ABCB7: variants seen among roughly 807,000 people sequenced by gnomAD.
ABCB7 encodes ATP binding cassette subfamily B member 7, also known as iron-sulfur clusters transporter ABCB7, mitochondrial.
A neutral mutation model predicts 54.4 loss-of-function variants in ABCB7; 7 were observed. The observed-to-expected ratio is 0.13, with a 90% confidence interval of 0.07 to 0.24. ABCB7 has a LOEUF of 0.24. Ranked by LOEUF, ABCB7 falls within the 10% of genes least tolerant of loss-of-function variation. The pLI, the probability that ABCB7 is intolerant of heterozygous loss-of-function variation, is 1.00. For synonymous variants in ABCB7, 218 were observed against 207.1 expected, an observed-to-expected ratio of 1.05 and a Z score of -0.45; for missense variants, 356 against 570.4, an observed-to-expected ratio of 0.62 and a Z score of 3.83.
intron 1 of ABCB7, among the ~76,000 whole-genome samples, chrX:75,115,410 CTTTTTTTT>C (rs747398607): frequency 2.7e-4 from 8 of 30,179 alleles, no homozygotes; most frequent in South Asian, 1.8e-3. Context: ...TGTCTCTTTT[CTTTTTTTT>C]TTTTTTTTTT....
At chrX:75,137,740 G>A (rs1478748226) in intron 1 of ABCB7, among the ~76,000 whole-genome samples, 2 of 111,954 alleles carry the variant, frequency 1.8e-5, no homozygotes, top group Admixed American at 1.9e-4. Flanking sequence ...ACATGGAGCT[G>A]GAGGCCATTA....
At chrX:75,077,087 T>A (rs1374537455) in intron 4 of ABCB7, among the ~76,000 whole-genome samples, 1 of 112,158 alleles carries the variant, frequency 8.9e-6, no homozygotes, top group East Asian at 2.8e-4. Context: ...ATGCTGAATA[T>A]AATGCTCTTA....
chrX:75,111,614 T>C (rs750403221), intron 3 of ABCB7, among the ~76,000 whole-genome samples: 5 of 112,285 alleles, frequency 4.5e-5, no homozygotes, highest in Non-Finnish European at 5.6e-5. Flanking sequence ...TTTTCTGACA[T>C]GGTCTCCAAT....
At chrX:75,126,274 T>C (rs1351717432) in intron 1 of ABCB7, among the ~76,000 whole-genome samples, 1 of 112,109 alleles carries the variant, frequency 8.9e-6, no homozygotes. Context: ...ACAAGATCCT[T>C]ATGCTATAGT....
intron 3 of ABCB7, among the ~76,000 whole-genome samples, chrX:75,107,105 C>T (rs934575883): frequency 9.0e-6 from 1 of 111,211 alleles, no homozygotes; most frequent in Non-Finnish European, 1.9e-5. Context: ...CAGTGCTGTC[C>T]TGTTAGAGCA....
chrX:75,053,189 A>C lies in ABCB7; in HGVS notation c.*181T>G, dbSNP rs2081208596. 8 of 629,210 alleles carry C rather than the reference A, an allele frequency of 1.3e-5. No individual in the cohort carries two copies. The highest frequency in any genetic ancestry group is 1.9e-5 in the Non-Finnish European group (8 of 425,947). The allele number at this position is 629,210 out of a possible 1,213,427, so 51.9% of individuals were successfully genotyped here. A position where few individuals can be genotyped will look rare whatever the true frequency, so the allele number is the denominator to read the frequency against. ...GTGACAAGAAAATAATTTGGGGATAAATACAGATGCCACATTAAATAGACT... is the reference window on the plus strand; with the variant it reads ...GTGACAAGAAAATAATTTGGGGATACATACAGATGCCACATTAAATAGACT... On this transcript the variant is annotated 3_prime_UTR_variant, in exon 16 of 16. Transcript: ENST00000373394.
At chrX:75,117,507 A>G in intron 1 of ABCB7, among the ~76,000 whole-genome samples, 1 of 110,738 alleles carries the variant, frequency 9.0e-6, no homozygotes, top group Non-Finnish European at 1.9e-5. Flanking sequence ...CACTTGAATG[A>G]CCTTGGGTTC....
At chrX:75,136,568 A>C (rs1372874987) in intron 1 of ABCB7, among the ~76,000 whole-genome samples, 1 of 111,378 alleles carries the variant, frequency 9.0e-6, no homozygotes, top group Non-Finnish European at 1.9e-5. Context: ...AGAAACAAAA[A>C]CAAAACAACA....
chrX:75,121,082 A>T (rs1233783518), intron 1 of ABCB7, among the ~76,000 whole-genome samples: 1 of 110,021 alleles, frequency 9.1e-6, no homozygotes, highest in Non-Finnish European at 1.9e-5. Context: ...TGGGGTCAGG[A>T]GTTTGAGACC....
chrX:75,141,474 AATATTAGATC>A (rs1446211459), intron 1 of ABCB7, among the ~76,000 whole-genome samples: 1 of 111,029 alleles, frequency 9.0e-6, no homozygotes, highest in Non-Finnish European at 1.9e-5. Context: ...TTTTACACTG[AATATTAGATC>A]ATATGCATTT....
intron 14 of ABCB7, among the ~76,000 whole-genome samples, 197 bp downstream of exon 14, chrX:75,062,129 CTG>C (rs2147451634): frequency 8.9e-6 from 1 of 112,512 alleles, no homozygotes; most frequent in East Asian, 2.8e-4. Flanking sequence ...GGACTTAACA[CTG>C]TGGTATCTCT....
At chrX:75,055,566 A>C (rs868174590) in intron 15 of ABCB7, among the ~76,000 whole-genome samples, 38 of 106,044 alleles carry the variant, frequency 3.6e-4, no homozygotes, top group Middle Eastern at 5.0e-3. Flanking sequence ...AAAAAAAAAA[A>C]AAAAAAAAAA....
At chrX:75,150,165 C>G (rs763959003) in intron 1 of ABCB7, among the ~76,000 whole-genome samples, 1 of 111,434 alleles carries the variant, frequency 9.0e-6, no homozygotes, top group African/African-American at 3.3e-5. Flanking sequence ...GGGTCTAAAA[C>G]TAGGGCAGAA....
chrX:75,059,733 A>G (rs891588520), intron 15 of ABCB7, among the ~76,000 whole-genome samples: 2 of 111,829 alleles, frequency 1.8e-5, no homozygotes, highest in Non-Finnish European at 3.8e-5. Flanking sequence ...CCCTTAGAAG[A>G]GATAAAGCAG....
Position 75,098,795 on chromosome X carries a change from A to G in ABCB7, c.453+147T>C. 3 of 666,202 alleles carry G rather than the reference A, an allele frequency of 4.5e-6. No individual in the cohort carries two copies. The Admixed American group carries it at 7.9e-5, about 18-fold the overall frequency. 54.9% of individuals were successfully genotyped at this position (666,202 alleles called of 1,213,427 possible). On this transcript the variant is annotated intron_variant, in intron 4 of 15. Transcript: ENST00000373394. Reference sequence around the variant, plus strand: ...GGACATTACCATATAATTTCTAATGACTGCATAAAATAATTATGTAAACTA... The same window carrying G: ...GGACATTACCATATAATTTCTAATGGCTGCATAAAATAATTATGTAAACTA...
chrX:75,124,364 G>GT (rs997420195), intron 1 of ABCB7, among the ~76,000 whole-genome samples: 33 of 111,806 alleles, frequency 3.0e-4, no homozygotes, highest in Non-Finnish European at 1.5e-4. Flanking sequence ...CCTGACAAAA[G>GT]TTTTTTTATG....
At chrX:75,064,952 G>T in intron 13 of ABCB7, 118 bp downstream of exon 13, 1 of 837,285 alleles carries the variant, frequency 1.2e-6, no homozygotes, top group Non-Finnish European at 1.7e-6. Flanking sequence ...CCAATCAAAT[G>T]TGACTCAACG....
At chrX:75,083,785 G>C (rs2081475227) in intron 4 of ABCB7, among the ~76,000 whole-genome samples, 1 of 110,100 alleles carries the variant, frequency 9.1e-6, no homozygotes, top group African/African-American at 3.3e-5. Flanking sequence ...CAATGAAACA[G>C]AATAGATTCC....
intron 1 of ABCB7, among the ~76,000 whole-genome samples, chrX:75,126,057 G>C (rs1442183771): frequency 9.0e-6 from 1 of 111,505 alleles, no homozygotes. Flanking sequence ...AAAGAAAACT[G>C]ACAGCTCTGC....
Sources: gnomAD v4.1 joint callset for allele counts (sites outside exome capture counted in the v4.1 genomes callset) on GRCh38, gnomAD v4.1.1 for gene constraint, MANE v1.5 for transcripts, NCBI Gene and HGNC (gene_info 2026-07-23, HGNC 2026-07-21) for gene names.